The following LMX1B variants were observed in gnomAD, a reference collection of about 807,000 sequenced individuals.
LMX1B encodes LIM homeobox transcription factor 1 beta, also known as LIM homeobox transcription factor 1-beta.
A neutral mutation model predicts 51.4 loss-of-function variants in LMX1B; 12 were observed. The ratio of observed to expected loss-of-function variants is 0.23; its 90% confidence interval spans 0.15 to 0.38. LMX1B has a LOEUF of 0.38. LMX1B is among the 10% of genes least tolerant of loss of function. LMX1B has a pLI of 1.00. For missense variants in LMX1B, 445 were observed against 571.1 expected, an observed-to-expected ratio of 0.78 and a Z score of 2.25; for synonymous variants, 237 against 235.4, an observed-to-expected ratio of 1.01 and a Z score of -0.06.
At position 126,637,053 on chromosome 9, in the gene LMX1B, G is replaced by A. The variant is rs367767793; in HGVS notation, c.326+21484G>A. Among the ~76,000 whole-genome samples, 6 of 152,354 alleles carry A rather than the reference G, an allele frequency of 3.9e-5. No individual in the cohort carries two copies. The East Asian group carries it at 9.6e-4, about 24-fold the overall frequency. On this transcript the variant is annotated intron_variant, in intron 2 of 7. Transcript: ENST00000373474. ...ATAGGACACCTTGCACCCAGCCAGA[G>A]GCCACCAGCATAAGCTCTGCTTAGC...
At position 126,625,311 on chromosome 9, in the gene LMX1B, G is replaced by A. The variant is rs1034206434; in HGVS notation, c.326+9742G>A. On this transcript the variant is annotated intron_variant, in intron 2 of 7. Coordinates refer to ENST00000373474, the MANE Select transcript of LMX1B (RefSeq NM_001174147.2). The surrounding 1 kb of genome is among the most constrained non-coding windows in gnomAD (Gnocchi z 5.3). ...TTTTGCGGGTGCCTTAATTGGCAGC[G>A]TCTGGAAAATGGGGACAGTGACCCC... is the stretch of plus-strand genomic sequence containing the variant. 9.2e-5 allele frequency among the ~76,000 whole-genome samples: 14 copies of A among 152,220 alleles called. No homozygotes were observed. The highest frequency in any genetic ancestry group is 1.9e-4 in the Non-Finnish European group (13 of 68,050).
Position 126,614,061 on chromosome 9 carries a change from C to T in LMX1B, c.-389C>T, listed in dbSNP as rs1232779392. 3.0e-5 allele frequency among the ~76,000 whole-genome samples: 4 copies of T among 134,442 alleles called. No homozygotes were observed. Among genetic ancestry groups the T allele is most frequent in the African/African-American group, 1.1e-4 (4 of 38,016 alleles). The allele number at this position is 134,442 out of a possible 152,430, so 88.2% of individuals were successfully genotyped here. A position where few individuals can be genotyped will look rare whatever the true frequency, so the allele number is the denominator to read the frequency against. On this transcript the variant is annotated 5_prime_UTR_variant, in exon 1 of 8. Transcript: ENST00000373474. ...TGCGCCGCGCGCCCCCCCCGCGGCC[C>T]GCGGGGCCGCCCCTGCACCCCCACC...
intron 2 of LMX1B, among the ~76,000 whole-genome samples, chr9:126,652,110 G>C (rs897500609): frequency 3.9e-5 from 6 of 152,110 alleles, no homozygotes; most frequent in Non-Finnish European, 7.4e-5. Context: ...TCAGACCCAG[G>C]TGGAGGGGCC....
chr9:126,658,757 A>G lies in LMX1B; in HGVS notation c.327-32079A>G, dbSNP rs1189528783. Among the ~76,000 whole-genome samples, 3 of 152,246 alleles carry G rather than the reference A, an allele frequency of 2.0e-5. No homozygotes were observed. Among genetic ancestry groups the G allele is most frequent in the Non-Finnish European group, 2.9e-5 (2 of 68,044 alleles). On this transcript the variant is annotated intron_variant, in intron 2 of 7. Transcript: ENST00000373474. The surrounding 1 kb of genome is among the most constrained non-coding windows in gnomAD (Gnocchi z 4.0). Reference sequence around the variant, plus strand: ...AAGATAAATGCCGAACAAATAATCAAATTATCAAGCCAAAACCTGGGAAAG... The same window carrying G: ...AAGATAAATGCCGAACAAATAATCAGATTATCAAGCCAAAACCTGGGAAAG...
chr9:126,620,390 G>A (rs1296841777), intron 2 of LMX1B, among the ~76,000 whole-genome samples: 1 of 152,216 alleles, frequency 6.6e-6, no homozygotes, highest in Admixed American at 6.5e-5. Flanking sequence ...CAAACTGGGG[G>A]TGATGATGTG....
intron 2 of LMX1B, among the ~76,000 whole-genome samples, chr9:126,633,009 T>A (rs1835658186): frequency 6.6e-6 from 1 of 152,318 alleles, no homozygotes; most frequent in Middle Eastern, 3.4e-3. Context: ...TCCCAGACAC[T>A]TGCCCACATC....
chr9:126,675,330 G>A (rs1836534732), intron 2 of LMX1B, among the ~76,000 whole-genome samples: 1 of 152,204 alleles, frequency 6.6e-6, no homozygotes, highest in South Asian at 2.1e-4. Flanking sequence ...GGCTAGGCAT[G>A]GGGTAGAGGA....
rs764743245 is a variant in LMX1B at position 126,673,019 on chromosome 9, CT to C, written c.327-17813del. ...ACACAAAGCAAGAGGCTCTTTTCGGCTTTTGCCCAACCACATGCTGACCTAT... is the reference window on the plus strand; with the variant it reads ...ACACAAAGCAAGAGGCTCTTTTCGGCTTTGCCCAACCACATGCTGACCTAT... On this transcript the variant is annotated intron_variant, in intron 2 of 7. Transcript: ENST00000373474. The surrounding 1 kb of genome is among the most constrained non-coding windows in gnomAD (Gnocchi z 4.4). Among the ~76,000 whole-genome samples, 1 of 152,378 alleles carries C rather than the reference CT, an allele frequency of 6.6e-6. No individual in the cohort carries two copies. The highest frequency in any genetic ancestry group is 3.4e-3 in the Middle Eastern group (1 of 294).
chr9:126,616,928 G>A (rs570444146), intron 2 of LMX1B, among the ~76,000 whole-genome samples: 1 of 152,314 alleles, frequency 6.6e-6, no homozygotes, highest in Non-Finnish European at 1.5e-5. Flanking sequence ...AGGGATCTTT[G>A]GGTAGGGATT....
At chr9:126,622,462 G>A (rs1835433472) in intron 2 of LMX1B, among the ~76,000 whole-genome samples, 1 of 152,160 alleles carries the variant, frequency 6.6e-6, no homozygotes, top group Non-Finnish European at 1.5e-5. Context: ...AGCTGAAGAT[G>A]AGCTGAGCAT....
chr9:126,638,682 C>T (rs1835757284), intron 2 of LMX1B, among the ~76,000 whole-genome samples: 1 of 152,152 alleles, frequency 6.6e-6, no homozygotes, highest in South Asian at 2.1e-4. Flanking sequence ...GGGCGCGTGG[C>T]GCAGCGGCGG....
intron 2 of LMX1B, among the ~76,000 whole-genome samples, chr9:126,661,704 G>A (rs1017706904): frequency 6.6e-6 from 1 of 152,114 alleles, no homozygotes; most frequent in Non-Finnish European, 1.5e-5. Context: ...TGGCTGCGGG[G>A]CCCGAGTTGA....
chr9:126,675,929 G>A (rs1343056087), intron 2 of LMX1B, among the ~76,000 whole-genome samples: 1 of 143,134 alleles, frequency 7.0e-6, no homozygotes, highest in Non-Finnish European at 1.5e-5. Flanking sequence ...GGCACCTGTA[G>A]TCCCAGCTAC....
At chr9:126,680,031 C>T (rs1836644616) in intron 2 of LMX1B, among the ~76,000 whole-genome samples, 1 of 152,220 alleles carries the variant, frequency 6.6e-6, no homozygotes. Flanking sequence ...CCTATTCTGG[C>T]CATGCAGGGC....
In LMX1B at chr9:126,697,837, C is replaced by CTGGTTTTTTT. The variant is rs1247233178; in HGVS notation, c.*1388_*1389insGTTTTTTTTG. ...TGTATATGCAGGATGGGGGCACCTA[C>CTGGTTTTTTT]TGTTTTGTTTTGTTTTGTTTTGTTT... On this transcript the variant is annotated 3_prime_UTR_variant, in exon 8 of 8. Coordinates refer to ENST00000373474, the MANE Select transcript of LMX1B (RefSeq NM_001174147.2). The CTGGTTTTTTT allele has an allele frequency of 7.6e-4, 113 of 147,906 alleles. No homozygotes were observed. Among genetic ancestry groups the CTGGTTTTTTT allele is most frequent in the African/African-American group, 2.7e-3 (105 of 39,104 alleles). The allele number at this position is 147,906 out of a possible 1,614,324, so 9.2% of individuals were successfully genotyped here.
chr9:126,689,981 G>A (rs1044083388), intron 2 of LMX1B, among the ~76,000 whole-genome samples: 12 of 152,132 alleles, frequency 7.9e-5, no homozygotes, highest in African/African-American at 1.4e-4. Context: ...ATATCTGTTC[G>A]TGATGGAGAT....
chr9:126,667,095 C>T (rs1454408358), intron 2 of LMX1B, among the ~76,000 whole-genome samples: 7 of 152,154 alleles, frequency 4.6e-5, no homozygotes, highest in African/African-American at 1.7e-4. Flanking sequence ...AGTATTCATC[C>T]GTTCCCTCAC....
At chr9:126,620,684 G>A (rs1168085014) in intron 2 of LMX1B, among the ~76,000 whole-genome samples, 1 of 152,072 alleles carries the variant, frequency 6.6e-6, no homozygotes, top group Non-Finnish European at 1.5e-5. Flanking sequence ...CTCCTTGGGG[G>A]CAGACGGAGG....
At chr9:126,659,492 A>G (rs1836188024) in intron 2 of LMX1B, among the ~76,000 whole-genome samples, 1 of 152,142 alleles carries the variant, frequency 6.6e-6, no homozygotes, top group African/African-American at 2.4e-5. Context: ...GCCTCTCCAC[A>G]CATTCTCAGG....
Sources: allele counts gnomAD v4.1 joint callset (sites outside exome capture counted in the v4.1 genomes callset), GRCh38; gene constraint gnomAD v4.1.1; non-coding constraint Gnocchi (gnomAD v3.1); transcripts MANE v1.5; gene names NCBI Gene and HGNC (gene_info 2026-07-23, HGNC 2026-07-21).